Variants in STARD9 observed in about 807,000 individuals in gnomAD.
The protein encoded by STARD9 is StAR related lipid transfer domain containing 9.
STARD9 carries 346 observed loss-of-function variants against 399.8 expected under a neutral mutation model. The observed-to-expected ratio is 0.87, with a 90% confidence interval of 0.79 to 0.95. The LOEUF is 0.95. Ranked by LOEUF, STARD9 falls within the 40% of genes least tolerant of loss-of-function variation. The probability of loss-of-function intolerance (pLI) is 0.00; values close to 1 mark genes in which losing one functional copy is unlikely to be tolerated. For synonymous variants in STARD9, 2,203 were observed against 2,143.5 expected (o/e 1.03, Z -0.77); for missense variants, 5,832 against 5,667.5 (o/e 1.03, Z -0.93).
Position 42,689,021 on chromosome 15 carries a change from G to C in STARD9, c.7443G>C (p.Lys2481Asn), listed in dbSNP as rs983938699. The part of the protein sequence containing the change: ...QKEIRVSSLN[K>N]VSSQPEKRVS... ...AAATAAGAGTCAGTTCACTGAACAA[G>C]GTCTCTAGCCAGCCTGAAAAGAGGG... is the stretch of plus-strand genomic sequence containing the variant. Residue 2481 changes from lysine (K) to asparagine (N), a missense_variant, in exon 23 of 33, where the codon AAG becomes AAC. Transcript: ENST00000290607. 192 of 1,537,216 alleles carry C rather than the reference G, an allele frequency of 1.2e-4. No homozygotes were observed. Among genetic ancestry groups the C allele is most frequent in the Non-Finnish European group, 1.6e-4 (187 of 1,146,954 alleles).
In STARD9 at chr15:42,669,295, G is replaced by A; in HGVS notation, c.1455G>A (p.Glu485=). 1 of 1,536,688 alleles carries A rather than the reference G, an allele frequency of 6.5e-7. No homozygotes were observed. Among genetic ancestry groups the A allele is most frequent in the Non-Finnish European group, 8.7e-7 (1 of 1,146,452 alleles). ...DSSLPHLMAL[E]DDVLSTGVVL... ...GCCTGCCACACTTGATGGCCTTGGA[G>A]GATGATGTGCTCAGCACAGGTGTTG... The change falls in exon 16 of 33, where the codon GAG becomes GAA. Residue 485 remains glutamate (E), a synonymous_variant. Transcript: ENST00000290607.
intron 16 of STARD9, 120 bp from the exon 17 acceptor site, chr15:42,674,320 G>T (rs2060264474): frequency 1.2e-6 from 1 of 811,592 alleles, no homozygotes; most frequent in East Asian, 2.7e-5. Context: ...GCTGGGATGG[G>T]ATGAGAAGTG....
chr15:42,692,998 A>G lies in STARD9; in HGVS notation c.11420A>G (p.Tyr3807Cys), dbSNP rs529750314. ...TATCTTCAGGAAGAAAGCACTCCCT[A>G]CAAGCCCCAGAGCCCTTCAATACCC... Reference protein sequence around the residue: ...LLYLQEESTPYKPQSPSIPSS... With the variant: ...LLYLQEESTPCKPQSPSIPSS... The change falls in exon 23 of 33, where the codon TAC becomes TGC. Residue 3807 changes from tyrosine (Y) to cysteine (C), a missense_variant. Tyr to Cys is a radical substitution (Grantham distance 194, BLOSUM62 -2). Transcript: ENST00000290607. 541 of 1,537,202 alleles carry G rather than the reference A, an allele frequency of 3.5e-4. 4 individuals are homozygous for G. In the South Asian group the frequency reaches 5.7e-3, roughly 16 times the overall value.
intron 26 of STARD9, among the ~76,000 whole-genome samples, chr15:42,704,643 G>A (rs149684866): frequency 3.5e-4 from 53 of 152,270 alleles, no homozygotes; most frequent in African/African-American, 1.2e-3. Flanking sequence ...CCCTGGCCCC[G>A]ATGGACCTGA....
intron 9 of STARD9, among the ~76,000 whole-genome samples, chr15:42,659,601 A>G (rs1268879096): frequency 6.6e-6 from 1 of 152,170 alleles, no homozygotes; most frequent in East Asian, 1.9e-4. Context: ...ATCTTGGCTC[A>G]CTGCAGCCTC....
chr15:42,581,365 G>A (rs1229457305), intron 1 of STARD9: 4 of 1,464,038 alleles, frequency 2.7e-6, no homozygotes, highest in Non-Finnish European at 3.8e-6. Context: ...GTGGAGAAGA[G>A]CGTCCCCTCG....
chr15:42,627,164 C>T lies in STARD9; in HGVS notation c.235-7692C>T, dbSNP rs549864471. 3.9e-4 allele frequency among the ~76,000 whole-genome samples: 59 copies of T among 152,236 alleles called. 1 individual carries two copies. In the South Asian group the frequency reaches 0.012, roughly 31 times the overall value. The stretch of plus-strand genomic sequence containing the variant: ...TACAAAAATTAGCTGGGCATGGGGA[C>T]ATGTGCCTGTAGTCCCAGCTACTTG... On this transcript the variant is annotated intron_variant, in intron 3 of 32. Coordinates refer to ENST00000290607, the MANE Select transcript of STARD9 (RefSeq NM_020759.3).
In STARD9 at chr15:42,597,998, ATATGTGTG is replaced by A. The variant is rs1414490315; in HGVS notation, c.234+12363_234+12370del. 6.3e-3 allele frequency among the ~76,000 whole-genome samples: 713 copies of A among 112,770 alleles called. 5 individuals are homozygous for A. Among genetic ancestry groups the A allele is most frequent in the African/African-American group, 0.024 (677 of 27,864 alleles). The allele number at this position is 112,770 out of a possible 152,430, so 74.0% of individuals were successfully genotyped here. On this transcript the variant is annotated intron_variant, in intron 3 of 32. Coordinates refer to ENST00000290607, the MANE Select transcript of STARD9 (RefSeq NM_020759.3). ...TGTGTGTGTGTGTGTTTGTATATAT[ATATGTGTG>A]TGTGTGTGTGTGTGTGTGTGTGTGT... is the stretch of plus-strand genomic sequence containing the variant.
intron 31 of STARD9, 58 bp from the exon 32 acceptor site, chr15:42,718,694 C>T (rs1595839013): frequency 1.3e-6 from 2 of 1,513,634 alleles, no homozygotes; most frequent in Admixed American, 2.0e-5. Flanking sequence ...TACACGGGAG[C>T]CTGTTCCTGT....
chr15:42,615,728 G>A (rs1265680498), intron 3 of STARD9, among the ~76,000 whole-genome samples: 1 of 151,142 alleles, frequency 6.6e-6, no homozygotes, highest in Non-Finnish European at 1.5e-5. Context: ...AAAAAAAAAA[G>A]GAGATAAAGC....
At chr15:42,598,252 T>C (rs1211642) in intron 3 of STARD9, among the ~76,000 whole-genome samples, 116,247 of 150,176 alleles carry the variant, frequency 0.77, 46,263 homozygotes, top group Non-Finnish European at 0.88. Context: ...AGGATGGTCT[T>C]GATCTCCTGA....
intron 26 of STARD9, among the ~76,000 whole-genome samples, chr15:42,698,953 G>A (rs192131215): frequency 6.6e-6 from 1 of 152,128 alleles, no homozygotes; most frequent in Admixed American, 6.5e-5. Context: ...CCCTGCGGTA[G>A]TGTTAGTCCA....
In STARD9 at chr15:42,684,756, T is replaced by C; in HGVS notation, c.3178T>C (p.Ser1060Pro). Residue 1060 changes from serine (S) to proline (P), a missense_variant, in exon 23 of 33, where the codon TCT (serine) becomes CCT (proline). Around this residue, in one of 2 missense-constraint regions of STARD9, gnomAD observed 5,828 missense variants for 5,651.1 expected, o/e 1.03. Coordinates refer to ENST00000290607, the MANE Select transcript of STARD9 (RefSeq NM_020759.3). ...GGTCAGAAATATTACCAAAAAGTCC[T>C]CTCACTTGCCTCTTGGCAGTCCTTT... ...TRVRNITKKS[S>P]HLPLGSPLKR... 6.5e-7 allele frequency: 1 copy of C among 1,537,230 alleles called. No homozygotes were observed. Among genetic ancestry groups the C allele is most frequent in the East Asian group, 2.4e-5 (1 of 40,904 alleles).
At chr15:42,682,790 C>T (rs1055940328) in intron 22 of STARD9, among the ~76,000 whole-genome samples, 4 of 152,180 alleles carry the variant, frequency 2.6e-5, no homozygotes, top group African/African-American at 7.2e-5. Flanking sequence ...CTTCCTTACC[C>T]CCTGAGTAGC....
At position 42,631,205 on chromosome 15, in the gene STARD9, T is replaced by C. The variant is rs75079841; in HGVS notation, c.235-3651T>C. Among the ~76,000 whole-genome samples, 1,131 of 152,266 alleles carry C rather than the reference T, an allele frequency of 7.4e-3. 14 individuals are homozygous for C. Among genetic ancestry groups the C allele is most frequent in the African/African-American group, 0.026 (1,061 of 41,558 alleles). On this transcript the variant is annotated intron_variant, in intron 3 of 32. Transcript: ENST00000290607. ...TTGAAGTTTTTCTACTTTTTTGATA[T>C]AGATGCTTATTGCTGTAAACTTTTC...
intron 26 of STARD9, among the ~76,000 whole-genome samples, chr15:42,707,435 A>G (rs1424552125): frequency 6.6e-6 from 1 of 152,000 alleles, no homozygotes; most frequent in African/African-American, 2.4e-5. Flanking sequence ...AAATCAGCAG[A>G]TTAAACACCT....
chr15:42,716,861 G>A (rs1024768022), intron 27 of STARD9, 66 bp from the exon 28 acceptor site: 17 of 1,530,484 alleles, frequency 1.1e-5, no homozygotes, highest in Non-Finnish European at 1.5e-5. Context: ...GTCTGTGGGA[G>A]AGCTGTTGCT....
chr15:42,713,845 T>C (rs141553512), intron 26 of STARD9, among the ~76,000 whole-genome samples: 2 of 152,178 alleles, frequency 1.3e-5, no homozygotes, highest in Non-Finnish European at 2.9e-5. Context: ...CTCTATAGTT[T>C]ACTTGTGATG....
At chr15:42,659,654 T>C (rs890274104) in intron 9 of STARD9, among the ~76,000 whole-genome samples, 4 of 152,138 alleles carry the variant, frequency 2.6e-5, no homozygotes, top group Admixed American at 2.6e-4. Flanking sequence ...GCCTCCTGAG[T>C]AGCTGGGACT....
Sources: gnomAD v4.1 joint callset for allele counts (sites outside exome capture counted in the v4.1 genomes callset) on GRCh38, gnomAD v4.1.1 for gene constraint, gnomAD v4.1.1 regional missense constraint, MANE v1.5 for transcripts, NCBI Gene and HGNC (gene_info 2026-07-23, HGNC 2026-07-21) for gene names.